The following ZNF33A variants were observed in gnomAD, a reference collection of about 807,000 sequenced individuals.
ZNF33A encodes the protein brain my041 protein.
In ZNF33A, 9 loss-of-function variants were observed where a neutral mutation model predicts 15.9. The ratio of observed to expected loss-of-function variants is 0.57; its 90% CI spans 0.34 to 0.99. The LOEUF (loss-of-function observed/expected upper bound fraction) is 0.99. Ranked by LOEUF, ZNF33A falls within the 50% of genes least tolerant of loss-of-function variation. The pLI, the probability that ZNF33A is intolerant of heterozygous loss-of-function variation, is 0.02. For missense variants in ZNF33A, 843 were observed against 941.6 expected (o/e 0.90, Z 1.37); for synonymous variants, 294 against 324.2 (o/e 0.91, Z 1.00).
At chr10:38,014,597 ACAC>A (rs1348960529) in intron 2 of ZNF33A, among the ~76,000 whole-genome samples, 1 of 152,160 alleles carries the variant, frequency 6.6e-6, no homozygotes, top group Non-Finnish European at 1.5e-5. Flanking sequence ...ATTTTTGAAA[ACAC>A]CATCCTTTCC....
rs373455119 is a variant in ZNF33A at position 38,012,300 on chromosome 10, G to A, written c.-42G>A. 49 of 1,610,428 alleles carry A rather than the reference G, an allele frequency of 3.0e-5. No homozygotes were observed. In the South Asian group the frequency reaches 5.4e-4, roughly 18 times the overall value. ...CCATTCCTCTTTTTCTAACTCAGCT[G>A]TATCTTCAGAGTTGTCTCCGTCTTT... On this transcript the variant is annotated splice_region_variant and 5_prime_UTR_variant, in exon 2 of 5. Transcript: ENST00000432900.
In ZNF33A at chr10:38,055,886, A is replaced by G. The variant is rs149896163; in HGVS notation, c.1762A>G (p.Lys588Glu). Residue 588 changes from lysine (K) to glutamate (E), a missense_variant, in exon 5 of 5, where the codon AAA becomes GAA. By Grantham distance (56) the Lys-to-Glu change is moderately conservative. Coordinates refer to ENST00000432900, the MANE Select transcript of ZNF33A (RefSeq NM_006954.2). ...EKPYECHECG[K>E]IFYNKSYLTK... The stretch of plus-strand genomic sequence containing the variant: ...ACCCTACGAATGTCATGAATGTGGA[A>G]AAATCTTTTACAATAAATCATACCT... 17 of 1,614,008 alleles carry G rather than the reference A, an allele frequency of 1.1e-5. No individual in the cohort carries two copies. The African/African-American group carries it at 2.1e-4, about 20-fold the overall frequency.
At chr10:38,035,385 T>C (rs1414767612) in intron 4 of ZNF33A, among the ~76,000 whole-genome samples, 1 of 152,182 alleles carries the variant, frequency 6.6e-6, no homozygotes, top group Non-Finnish European at 1.5e-5. Context: ...CCCAAAGTGC[T>C]GGGATTAAAG....
At chr10:38,020,137 CA>C (rs1171041113) in intron 4 of ZNF33A, among the ~76,000 whole-genome samples, 4 of 152,024 alleles carry the variant, frequency 2.6e-5, no homozygotes, top group African/African-American at 7.2e-5. Flanking sequence ...AGCAGCCTAA[CA>C]GAGCAATATT....
chr10:38,010,575 C>A, upstream of ZNF33A: 12 of 885,266 alleles, frequency 1.4e-5, no homozygotes, highest in South Asian at 1.6e-4. Context: ...AAGGGCTGCT[C>A]GCCCGGCCTC....
chr10:38,065,995 GAC>G (rs1359287022), downstream of ZNF33A, among the ~76,000 whole-genome samples: 1 of 152,002 alleles, frequency 6.6e-6, no homozygotes, highest in East Asian at 1.9e-4. Flanking sequence ...CCTGGCCTGG[GAC>G]ACACTTTCAT....
Position 38,053,483 on chromosome 10 carries a change from A to T in ZNF33A, c.251-892A>T, listed in dbSNP as rs1304016242. On this transcript the variant is annotated intron_variant, in intron 4 of 4. Transcript: ENST00000432900. ...TACCCTTATGACCTCATTTAACCTT[A>T]GTTAATCTCCTTAAAGTCCCCATCT... Among the ~76,000 whole-genome samples the T allele has an allele frequency of 2.6e-5, 4 of 152,084 alleles. No homozygotes were observed. In the East Asian group the frequency reaches 7.7e-4, roughly 29 times the overall value.
At position 38,010,796 on chromosome 10, in the gene ZNF33A, G is replaced by A. The variant is rs749485540; in HGVS notation, c.-45+13G>A. ...ACGAGGGAGTGGGGTAAGCCCCAGTGGGTTGGGCAGGGAGAGAGAGGGAGC... is the reference window on the plus strand; with the variant it reads ...ACGAGGGAGTGGGGTAAGCCCCAGTAGGTTGGGCAGGGAGAGAGAGGGAGC... On this transcript the variant is annotated intron_variant, in intron 1 of 4. Transcript: ENST00000432900. 2 of 1,598,354 alleles carry A rather than the reference G, an allele frequency of 1.3e-6. No individual in the cohort carries two copies. The highest frequency in any genetic ancestry group is 1.7e-6 in the Non-Finnish European group (2 of 1,179,720).
At chr10:38,027,182 T>C (rs776061601) in intron 4 of ZNF33A, among the ~76,000 whole-genome samples, 20 of 152,110 alleles carry the variant, frequency 1.3e-4, no homozygotes, top group Non-Finnish European at 2.1e-4. Flanking sequence ...TCATTTTCTT[T>C]TCTTTTTTTT....
intron 4 of ZNF33A, among the ~76,000 whole-genome samples, chr10:38,048,498 T>G (rs1382932855): frequency 6.6e-6 from 1 of 152,096 alleles, no homozygotes; most frequent in East Asian, 1.9e-4. Flanking sequence ...AAGACAGAGA[T>G]TTCTTGATAA....
chr10:38,012,782 T>G (rs1311110083), intron 2 of ZNF33A, among the ~76,000 whole-genome samples: 5 of 152,054 alleles, frequency 3.3e-5, no homozygotes, highest in Admixed American at 1.3e-4. Flanking sequence ...AAATTGAACT[T>G]CCCAGAAAAT....
chr10:38,025,805 TG>T (rs1726532982), intron 4 of ZNF33A, among the ~76,000 whole-genome samples: 1 of 152,246 alleles, frequency 6.6e-6, no homozygotes, highest in Non-Finnish European at 1.5e-5. Context: ...ATATGTATCA[TG>T]AAATTTGCCA....
At chr10:38,064,737 CTT>C (rs1474726276), downstream of ZNF33A, 1 of 152,202 alleles carries the variant, frequency 6.6e-6, no homozygotes, top group African/African-American at 2.4e-5. Flanking sequence ...CCCTCTCACT[CTT>C]TAGGTCTCAC....
intron 4 of ZNF33A, among the ~76,000 whole-genome samples, chr10:38,024,004 C>A (rs2064866633): frequency 6.6e-6 from 1 of 151,468 alleles, no homozygotes; most frequent in Non-Finnish European, 1.5e-5. Context: ...ACTAAAAATA[C>A]AAAATTAGCC....
intron 4 of ZNF33A, among the ~76,000 whole-genome samples, chr10:38,027,778 C>A (rs1010636026): frequency 1.3e-5 from 2 of 152,098 alleles, no homozygotes; most frequent in Non-Finnish European, 2.9e-5. Flanking sequence ...GATGGAACGA[C>A]CCTTTATTCA....
At position 38,016,898 on chromosome 10, in the gene ZNF33A, T is replaced by C; in HGVS notation, c.37T>C (p.Ser13Pro). 6.2e-7 allele frequency: 1 copy of C among 1,613,960 alleles called. No individual in the cohort carries two copies. The highest frequency in any genetic ancestry group is 8.5e-7 in the Non-Finnish European group (1 of 1,179,966). Residue 13 changes from serine to proline, a missense_variant, in exon 3 of 5, where the codon TCA becomes CCA. Transcript: ENST00000432900. ...KVEQKSQESVSFKDVTVGFTQ... is the reference protein window; with the variant it reads ...KVEQKSQESVPFKDVTVGFTQ... Reference sequence around the variant, plus strand: ...AGAACAGAAGTCCCAGGAGTCAGTATCATTTAAAGATGTGACTGTGGGCTT... The same window carrying C: ...AGAACAGAAGTCCCAGGAGTCAGTACCATTTAAAGATGTGACTGTGGGCTT...
rs956803217 is a variant in ZNF33A at position 38,058,056 on chromosome 10, T to C, written c.*1496T>C. 3 of 984,414 alleles carry C rather than the reference T, an allele frequency of 3.0e-6. No homozygotes were observed. In the African/African-American group the frequency reaches 5.2e-5, roughly 17 times the overall value. The allele number at this position is 984,414 out of a possible 1,614,324, so 61.0% of individuals were successfully genotyped here. On this transcript the variant is annotated 3_prime_UTR_variant, in exon 5 of 5. Transcript: ENST00000432900. ...AATAATCTAAGATTATACAGTCTAG[T>C]GATCCTAGATTACACAAGTAATCTA...
chr10:38,056,185 C>G lies in ZNF33A; in HGVS notation c.2061C>G (p.His687Gln), dbSNP rs143827341. 2.5e-6 allele frequency: 4 copies of G among 1,613,900 alleles called. No individual in the cohort carries two copies. Among genetic ancestry groups the G allele is most frequent in the Non-Finnish European group, 3.4e-6 (4 of 1,179,990 alleles). Residue 687 changes from histidine (H) to glutamine (Q), a missense_variant, in exon 5 of 5, where the codon CAC becomes CAG. Physicochemically the swap from His to Gln is conservative, Grantham distance 24. Transcript: ENST00000432900. ...GACTTATTTTCCATGAGAGAAAGCA[C>G]ACGGGGGAGAAACCCTATGAATGCA... ...KSGLIFHERK[H>Q]TGEKPYECNE...
intron 4 of ZNF33A, among the ~76,000 whole-genome samples, chr10:38,046,970 G>A (rs1256119182): frequency 3.9e-5 from 6 of 151,900 alleles, no homozygotes; most frequent in Admixed American, 2.6e-4. Flanking sequence ...TCAGGAGTTT[G>A]AGACCAGCCT....
Sources: allele counts gnomAD v4.1 joint callset (sites outside exome capture counted in the v4.1 genomes callset), GRCh38; gene constraint gnomAD v4.1.1; transcripts MANE v1.5; gene names NCBI Gene and HGNC (gene_info 2026-07-23, HGNC 2026-07-21).